Variants in PRUNE2 observed in about 807,000 individuals in gnomAD.
The protein encoded by PRUNE2 is protein prune homolog 2.
Under a neutral mutation model 252.0 loss-of-function variants are expected in PRUNE2, and 164 were observed. That is an observed-to-expected ratio of 0.65 (90% confidence interval 0.57 to 0.74). PRUNE2 has a LOEUF of 0.74. Ranked by LOEUF, PRUNE2 falls within the 30% of genes least tolerant of loss-of-function variation. PRUNE2 has a pLI of 0.00. For missense variants in PRUNE2, 3,495 were observed against 3,711.0 expected (o/e 0.94, Z 1.51); for synonymous variants, 1,292 against 1,350.2 (o/e 0.96, Z 0.94).
In PRUNE2 at chr9:76,612,601, G is replaced by A. The variant is rs889940907; in HGVS notation, c.*1969C>T. 2.6e-5 allele frequency: 4 copies of A among 152,266 alleles called. No homozygotes were observed. Among genetic ancestry groups the A allele is most frequent in the African/African-American group, 9.7e-5 (4 of 41,438 alleles). 9.4% of individuals were successfully genotyped at this position (152,266 alleles called of 1,614,324 possible). On this transcript the variant is annotated 3_prime_UTR_variant, in exon 19 of 19. Coordinates refer to ENST00000376718, the MANE Select transcript of PRUNE2 (RefSeq NM_015225.3). ...GGGCTGTGGGAGGGGGTGGGCTGTAGGGTTTTTCTGTCCAACAAGCCAGAT... is the reference window on the plus strand; with the variant it reads ...GGGCTGTGGGAGGGGGTGGGCTGTAAGGTTTTTCTGTCCAACAAGCCAGAT...
In PRUNE2 at chr9:76,705,459, T is replaced by C. The variant is rs781421929; in HGVS notation, c.6815A>G (p.His2272Arg). 46 of 1,613,794 alleles carry C rather than the reference T, an allele frequency of 2.9e-5. No individual in the cohort carries two copies. The highest frequency in any genetic ancestry group is 1.6e-4 in the Middle Eastern group (1 of 6,084). ...GARALFDGDP[H>R]LSTENPALVP... The stretch of plus-strand genomic sequence containing the variant: ...CAAGGCAGGATTCTCTGTGGATAAA[T>C]GTGGATCACCATCAAACAAAGCTCT... Residue 2272 changes from histidine (H) to arginine (R), a missense_variant, in exon 8 of 19, where the codon CAT (histidine) becomes CGT (arginine). By Grantham distance (29) the His-to-Arg change is conservative. Transcript: ENST00000376718.
At chr9:76,888,563 T>C (rs1426838507) in intron 1 of PRUNE2, among the ~76,000 whole-genome samples, 1 of 149,224 alleles carries the variant, frequency 6.7e-6, no homozygotes, top group Non-Finnish European at 1.5e-5. Flanking sequence ...GGTGACAGAG[T>C]GAGACTCCAT....
At chr9:76,854,743 G>C (rs1385536302) in intron 1 of PRUNE2, among the ~76,000 whole-genome samples, 3 of 151,928 alleles carry the variant, frequency 2.0e-5, no homozygotes, top group Non-Finnish European at 4.4e-5. Flanking sequence ...TTGTCTGTCA[G>C]AAAATAAAAA....
intron 18 of PRUNE2, among the ~76,000 whole-genome samples, chr9:76,615,740 A>ATTTTT (rs926700699): frequency 9.7e-6 from 1 of 102,748 alleles, no homozygotes. Flanking sequence ...ACCTCGGTGG[A>ATTTTT]TTTTTTTTGT....
chr9:76,619,317 T>G, intron 18 of PRUNE2, 23 bp downstream of exon 18: 1 of 1,523,256 alleles, frequency 6.6e-7, no homozygotes, highest in Non-Finnish European at 9.1e-7. Context: ...ACCACATAGC[T>G]GTTATTGATG....
At chr9:76,697,065 C>T (rs1420872219) in intron 9 of PRUNE2, among the ~76,000 whole-genome samples, 6 of 152,188 alleles carry the variant, frequency 3.9e-5, no homozygotes, top group East Asian at 1.9e-4. Flanking sequence ...CCCTGATATG[C>T]GAATATACCC....
At chr9:76,653,287 T>C (rs1848082177) in intron 10 of PRUNE2, among the ~76,000 whole-genome samples, 1 of 152,182 alleles carries the variant, frequency 6.6e-6, no homozygotes. Flanking sequence ...TTGATATCCA[T>C]AAGGGATTGA....
intron 6 of PRUNE2, among the ~76,000 whole-genome samples, chr9:76,770,934 AAAG>A (rs1272739361): frequency 1.3e-5 from 2 of 152,190 alleles, no homozygotes; most frequent in Non-Finnish European, 2.9e-5. Context: ...AAAATCTGAA[AAAG>A]AAGAATTAGT....
rs772565388 is a variant in PRUNE2 at position 76,709,575 on chromosome 9, T to C, written c.2699A>G (p.Gln900Arg). 6.2e-7 allele frequency: 1 copy of C among 1,614,014 alleles called. No individual in the cohort carries two copies. The highest frequency in any genetic ancestry group is 1.1e-5 in the South Asian group (1 of 91,074). ...WTNSKPPKED[Q>R]NGLVDPKTRG... ...AGTTTTAGGATCCACTAAACCATTC[T>C]GATCTTCTTTTGGTGGCTTAGAATT... The change falls in exon 8 of 19, where the codon CAG becomes CGG. Residue 900 changes from glutamine (Q) to arginine (R), a missense_variant. Coordinates refer to ENST00000376718, the MANE Select transcript of PRUNE2 (RefSeq NM_015225.3).
chr9:76,724,288 T>C (rs1215647126), intron 6 of PRUNE2, among the ~76,000 whole-genome samples: 2 of 127,106 alleles, frequency 1.6e-5, no homozygotes, highest in East Asian at 2.2e-4. Flanking sequence ...GTGAGACCTG[T>C]CTCTGATAGA....
At chr9:76,882,095 T>C (rs999740346) in intron 1 of PRUNE2, among the ~76,000 whole-genome samples, 1 of 152,116 alleles carries the variant, frequency 6.6e-6, no homozygotes, top group Non-Finnish European at 1.5e-5. Context: ...CAAGGGTAAA[T>C]GTGATTTCTG....
chr9:76,774,375 C>G (rs1393101878), intron 6 of PRUNE2, among the ~76,000 whole-genome samples: 2 of 151,298 alleles, frequency 1.3e-5, no homozygotes, highest in African/African-American at 2.4e-5. Context: ...TGAGCTCAAG[C>G]AATCCACCTG....
At chr9:76,751,269 C>CACAG (rs1564212250) in intron 6 of PRUNE2, among the ~76,000 whole-genome samples, 1 of 151,362 alleles carries the variant, frequency 6.6e-6, no homozygotes, top group East Asian at 1.9e-4. Context: ...CACACACACA[C>CACAG]ACAGACACAC....
chr9:76,621,582 T>C (rs1417688263), intron 17 of PRUNE2, among the ~76,000 whole-genome samples: 1 of 152,186 alleles, frequency 6.6e-6, no homozygotes, highest in South Asian at 2.1e-4. Context: ...AAAACAAATC[T>C]GATTATTTTT....
intron 11 of PRUNE2, among the ~76,000 whole-genome samples, chr9:76,649,006 G>A (rs911570084): frequency 6.6e-6 from 1 of 152,222 alleles, no homozygotes; most frequent in Non-Finnish European, 1.5e-5. Context: ...TTCATCAGTT[G>A]TAACAACCCA....
chr9:76,811,282 A>C (rs2057340499), intron 6 of PRUNE2, among the ~76,000 whole-genome samples: 1 of 152,240 alleles, frequency 6.6e-6, no homozygotes, highest in African/African-American at 2.4e-5. Context: ...TGTAGACAGA[A>C]TTAGATATTG....
intron 4 of PRUNE2, among the ~76,000 whole-genome samples, chr9:76,827,215 G>A (rs976857870): frequency 2.6e-5 from 4 of 151,988 alleles, no homozygotes; most frequent in African/African-American, 4.8e-5. Context: ...ATAATCCCAC[G>A]GTCAACAGCT....
chr9:76,710,922 G>A lies in PRUNE2; in HGVS notation c.1352C>T (p.Pro451Leu). Residue 451 changes from proline to leucine, a missense_variant, in exon 8 of 19, where the codon CCC (proline) becomes CTC (leucine). By Grantham distance (98) the Pro-to-Leu change is moderately conservative. Coordinates refer to ENST00000376718, the MANE Select transcript of PRUNE2 (RefSeq NM_015225.3). ...GTGAGGCCCAGCACCTTCTCCCACG[G>A]GGCTGTCGTCACTGAGGAAAACAGA... Reference protein sequence around the residue: ...ESSVFLSDDSPVGEGAGPHHT... With the variant: ...ESSVFLSDDSLVGEGAGPHHT... 1.3e-6 allele frequency: 2 copies of A among 1,565,428 alleles called. No homozygotes were observed. Among genetic ancestry groups the A allele is most frequent in the Admixed American group, 1.8e-5 (1 of 55,218 alleles).
At chr9:76,776,404 T>C (rs1168902427) in intron 6 of PRUNE2, among the ~76,000 whole-genome samples, 2 of 152,226 alleles carry the variant, frequency 1.3e-5, no homozygotes, top group African/African-American at 2.4e-5. Flanking sequence ...TTTTCCATTT[T>C]TGAATTATTT....
Sources: gnomAD v4.1 joint callset for allele counts (sites outside exome capture counted in the v4.1 genomes callset) on GRCh38, gnomAD v4.1.1 for gene constraint, MANE v1.5 for transcripts, NCBI Gene and HGNC (gene_info 2026-07-23, HGNC 2026-07-21) for gene names.